FAM149B1: variants seen among roughly 807,000 people sequenced by gnomAD.
FAM149B1 encodes primary cilium assembly protein FAM149B1.
In FAM149B1, 56 loss-of-function variants were observed where a neutral mutation model predicts 75.3. That is an observed-to-expected ratio of 0.74 (90% confidence interval 0.60 to 0.93). The LOEUF (loss-of-function observed/expected upper bound fraction) is 0.93, where lower values mean the gene tolerates loss of function less well. FAM149B1 is among the 40% of genes least tolerant of loss of function. The pLI is 0.00. For missense variants in FAM149B1, 639 were observed against 708.4 expected, an observed-to-expected ratio of 0.90 and a Z score of 1.11; for synonymous variants, 259 against 256.1, an observed-to-expected ratio of 1.01 and a Z score of -0.11.
At chr10:73,205,931 C>T (rs1004547932) in intron 5 of FAM149B1, among the ~76,000 whole-genome samples, 12 of 152,242 alleles carry the variant, frequency 7.9e-5, no homozygotes, top group African/African-American at 2.6e-4. Flanking sequence ...TATAAGGATA[C>T]CTGACAATGT....
chr10:73,170,029 AATT>A (rs1318920842), intron 1 of FAM149B1, among the ~76,000 whole-genome samples: 2 of 147,152 alleles, frequency 1.4e-5, no homozygotes, highest in Non-Finnish European at 3.0e-5. Flanking sequence ...TATTAATATT[AATT>A]ATTAACTATT....
chr10:73,191,045 T>C (rs553305310), intron 3 of FAM149B1, among the ~76,000 whole-genome samples: 1 of 152,278 alleles, frequency 6.6e-6, no homozygotes, highest in South Asian at 2.1e-4. Context: ...TTTTGGCTTT[T>C]GTTTTCTTTT....
chr10:73,243,399 A>G lies in FAM149B1; in HGVS notation c.*2380A>G, dbSNP rs753892156. ...AAGGACCTTTGAAGAGAAAAATTCC[A>G]TTATTTCTTTTCTTTCTTGAGAGCA... On this transcript the variant is annotated 3_prime_UTR_variant, in exon 14 of 14. Coordinates refer to ENST00000242505, the MANE Select transcript of FAM149B1 (RefSeq NM_173348.2). 7.4e-6 allele frequency: 12 copies of G among 1,613,614 alleles called. No individual in the cohort carries two copies. The highest frequency in any genetic ancestry group is 1.0e-5 in the Non-Finnish European group (12 of 1,179,876).
chr10:73,196,546 T>C (rs1301732854), intron 5 of FAM149B1, among the ~76,000 whole-genome samples: 1 of 152,230 alleles, frequency 6.6e-6, no homozygotes, highest in East Asian at 1.9e-4. Flanking sequence ...CAGGTTGTCA[T>C]AAAATATAAG....
At chr10:73,206,375 A>C (rs953695197) in intron 5 of FAM149B1, among the ~76,000 whole-genome samples, 2 of 152,240 alleles carry the variant, frequency 1.3e-5, no homozygotes, top group African/African-American at 4.8e-5. Flanking sequence ...CAGAGCATAA[A>C]AGCTTGGAAA....
At chr10:73,194,936 G>A (rs893975461) in intron 5 of FAM149B1, among the ~76,000 whole-genome samples, 12 of 151,564 alleles carry the variant, frequency 7.9e-5, no homozygotes, top group Admixed American at 7.9e-4. Flanking sequence ...TGCCCGCCTC[G>A]GCCTTCCAAA....
intron 5 of FAM149B1, 71 bp from the exon 6 acceptor site, chr10:73,208,548 A>C (rs1217906120): frequency 1.7e-6 from 2 of 1,153,636 alleles, no homozygotes; most frequent in African/African-American, 1.6e-5. Context: ...GCCAAAACTC[A>C]TGTAACTGTG....
Position 73,244,194 on chromosome 10 carries a change from G to T in FAM149B1, c.*3175G>T. Reference sequence around the variant, plus strand: ...GTACTCTGGCACTCATAAATCACATGATGATAAAAAGGAACATGAGGCCGG... The same window carrying T: ...GTACTCTGGCACTCATAAATCACATTATGATAAAAAGGAACATGAGGCCGG... On this transcript the variant is annotated 3_prime_UTR_variant, in exon 14 of 14. Transcript: ENST00000242505. The T allele has an allele frequency of 9.4e-6, 4 of 425,070 alleles. No homozygotes were observed. The allele number at this position is 425,070 out of a possible 1,614,324, so 26.3% of individuals were successfully genotyped here. A position where few individuals can be genotyped will look rare whatever the true frequency, so the allele number is the denominator to read the frequency against.
chr10:73,200,363 C>A, intron 5 of FAM149B1: 2 of 519,872 alleles, frequency 3.8e-6, no homozygotes, highest in South Asian at 3.7e-5. Context: ...AAAAAATACC[C>A]AAAAGGTGAT....
intron 10 of FAM149B1, among the ~76,000 whole-genome samples, chr10:73,233,654 A>T (rs2043761154): frequency 6.6e-6 from 1 of 152,200 alleles, no homozygotes; most frequent in African/African-American, 2.4e-5. Context: ...GGGGTTAAAT[A>T]ATTTTAATGA....
chr10:73,168,181 G>T lies in FAM149B1; in HGVS notation c.-159G>T. The T allele has an allele frequency of 1.4e-6, 1 of 714,776 alleles. No homozygotes were observed. 44.3% of individuals were successfully genotyped at this position (714,776 alleles called of 1,614,324 possible). A position where few individuals can be genotyped will look rare whatever the true frequency, so the allele number is the denominator to read the frequency against. On this transcript the variant is annotated 5_prime_UTR_variant, in exon 1 of 14. Transcript: ENST00000242505. ...CTGGAGAGGTGGGGACCCTGGGGAGGTGGCTGCTCGGAGTCTAGGTGACGG... is the reference window on the plus strand; with the variant it reads ...CTGGAGAGGTGGGGACCCTGGGGAGTTGGCTGCTCGGAGTCTAGGTGACGG...
chr10:73,210,500 G>A, intron 7 of FAM149B1, 62 bp downstream of exon 7: 1 of 1,204,544 alleles, frequency 8.3e-7, no homozygotes, highest in Non-Finnish European at 1.2e-6. Context: ...ACCCTAACCA[G>A]TCTATTAGAT....
intron 13 of FAM149B1, among the ~76,000 whole-genome samples, chr10:73,240,451 G>A (rs571439718): frequency 1.4e-4 from 22 of 152,296 alleles, no homozygotes; most frequent in Admixed American, 3.9e-4. Flanking sequence ...GGTGGCTCAT[G>A]CCTGTAATCC....
intron 3 of FAM149B1, among the ~76,000 whole-genome samples, chr10:73,179,046 C>T (rs1019506981): frequency 3.3e-5 from 5 of 151,896 alleles, no homozygotes; most frequent in Non-Finnish European, 7.4e-5. Flanking sequence ...CTCACTGCAA[C>T]CTCTGCCTCC....
chr10:73,230,431 T>C lies in FAM149B1; in HGVS notation c.1033T>C (p.Cys345Arg). The C allele has an allele frequency of 6.5e-7, 1 of 1,538,040 alleles. No homozygotes were observed. The highest frequency in any genetic ancestry group is 8.8e-7 in the Non-Finnish European group (1 of 1,134,264). Residue 345 changes from cysteine to arginine, a missense_variant, in exon 9 of 14, where the codon TGT becomes CGT. Cys to Arg is a radical substitution (Grantham distance 180, BLOSUM62 -3). Transcript: ENST00000242505. ...LYITSNPMSLCQASRHQPNVN... is the reference protein window; with the variant it reads ...LYITSNPMSLRQASRHQPNVN... ...TTCTTTCAACACGTAGATGAGTCTC[T>C]GTCAAGCAAGCAGACATCAGCCAAA... is the stretch of plus-strand genomic sequence containing the variant.
chr10:73,202,300 T>C (rs2042957038), intron 5 of FAM149B1, among the ~76,000 whole-genome samples: 1 of 152,224 alleles, frequency 6.6e-6, no homozygotes, highest in Non-Finnish European at 1.5e-5. Flanking sequence ...TTAATAGTTA[T>C]AAAGGCCTAT....
At chr10:73,222,569 C>T (rs949062605) in intron 7 of FAM149B1, among the ~76,000 whole-genome samples, 2 of 152,136 alleles carry the variant, frequency 1.3e-5, no homozygotes, top group African/African-American at 2.4e-5. Context: ...TCTATGAATC[C>T]GAGCTGCCTT....
intron 5 of FAM149B1, chr10:73,201,293 A>G (rs113380576): frequency 1.2e-4 from 25 of 216,148 alleles, no homozygotes; most frequent in African/African-American, 5.8e-4. Flanking sequence ...TACAATGTGC[A>G]TTGTGCTTCT....
At chr10:73,215,533 T>A (rs528980161) in intron 7 of FAM149B1, among the ~76,000 whole-genome samples, 76 of 152,184 alleles carry the variant, frequency 5.0e-4, no homozygotes, top group Non-Finnish European at 7.9e-4. Flanking sequence ...TCTTTCTACT[T>A]TTTTGATATA....
Sources: allele counts gnomAD v4.1 joint callset (sites outside exome capture counted in the v4.1 genomes callset), GRCh38; gene constraint gnomAD v4.1.1; transcripts MANE v1.5; gene names NCBI Gene and HGNC (gene_info 2026-07-23, HGNC 2026-07-21).